TEX36: variants seen among roughly 807,000 people sequenced by gnomAD.
The protein encoded by TEX36 is testis-expressed protein 36.
Under a neutral mutation model 13.6 loss-of-function variants are expected in TEX36, and 12 were observed. The ratio of observed to expected loss-of-function variants is 0.88; its 90% CI spans 0.56 to 1.43. The LOEUF (loss-of-function observed/expected upper bound fraction) is 1.43. TEX36 is among the 40% of genes most tolerant of loss of function. The pLI, the probability that TEX36 is intolerant of heterozygous loss-of-function variation, is 0.00. For missense variants in TEX36, 224 were observed against 228.3 expected, an observed-to-expected ratio of 0.98 and a Z score of 0.12; for synonymous variants, 93 against 83.0, an observed-to-expected ratio of 1.12 and a Z score of -0.65.
chr10:125,586,804 A>G (rs990276428), intron 3 of TEX36, among the ~76,000 whole-genome samples: 2 of 147,880 alleles, frequency 1.4e-5, no homozygotes, highest in African/African-American at 5.2e-5. Flanking sequence ...AAAAAGAAGA[A>G]AAAAAAAAGA....
rs1159772747 is a variant in TEX36, at chr10:125,656,068, A to G, written c.393T>C (p.Tyr131=). The change falls in exon 4 of 4, where the codon TAT becomes TAC. Residue 131 remains tyrosine, a synonymous_variant. Coordinates refer to ENST00000368821, the MANE Select transcript of TEX36 (RefSeq NM_001128202.3). ...GFSNNQISYV[Y]KEAMVVSSFR... is the part of the protein sequence containing the mutation. ...AGCTTGAGACCACCATGGCTTCTTT[A>G]TATACGTATGATATTTGGTTATTTG... is the stretch of plus-strand genomic sequence containing the variant. 41 of 1,551,656 alleles carry G rather than the reference A, an allele frequency of 2.6e-5. No homozygotes were observed. The Admixed American group carries it at 8.0e-4, about 30-fold the overall frequency.
At chr10:125,656,244 T>C in intron 3 of TEX36, 48 bp from the exon 4 acceptor site, 3 of 762,352 alleles carry the variant, frequency 3.9e-6, no homozygotes, top group Non-Finnish European at 5.6e-6. Context: ...CAAGTTCACA[T>C]AGTTCTTTTT....
chr10:125,661,765 T>A (rs1318500225), intron 2 of TEX36, 81 bp downstream of exon 2: 37 of 1,509,130 alleles, frequency 2.5e-5, no homozygotes, highest in Non-Finnish European at 3.2e-5. Flanking sequence ...AAAGAAGAAT[T>A]GTTTGGCCCA....
rs1396477340 is a variant in TEX36, at chr10:125,670,507, G to T, written c.52-8530C>A. 5.3e-5 allele frequency among the ~76,000 whole-genome samples: 8 copies of T among 152,218 alleles called. No homozygotes were observed. The South Asian group carries it at 8.3e-4, about 16-fold the overall frequency. ...TTATTAGACCTTTATGAGATGGATA[G>T]ATTGCAAAAAATTTCTCTCATTCTG... is the stretch of plus-strand genomic sequence containing the variant. On this transcript the variant is annotated intron_variant, in intron 1 of 3. Coordinates refer to ENST00000368821, the MANE Select transcript of TEX36 (RefSeq NM_001128202.3).
At chr10:125,603,277 G>A (rs1482842177) in intron 3 of TEX36, among the ~76,000 whole-genome samples, 2 of 152,140 alleles carry the variant, frequency 1.3e-5, no homozygotes, top group South Asian at 2.1e-4. Context: ...TGATTTCTCC[G>A]ACTTCCAAGT....
chr10:125,664,759 C>T (rs540486617), intron 1 of TEX36, among the ~76,000 whole-genome samples: 11 of 152,252 alleles, frequency 7.2e-5, no homozygotes, highest in Non-Finnish European at 1.5e-4. Context: ...TATAAATTAC[C>T]AGTCTCAGGT....
chr10:125,661,963 C>T lies in TEX36; in HGVS notation c.66G>A (p.Gly22=), dbSNP rs1198955011. 2 of 1,552,232 alleles carry T rather than the reference C, an allele frequency of 1.3e-6. No homozygotes were observed. The highest frequency in any genetic ancestry group is 1.7e-6 in the Non-Finnish European group (2 of 1,147,138). ...TGGATTCTGGTGTCTTTTGCGTTAGCCCGATGTGAGGGAACTGGAAGAACA... is the reference window on the plus strand; with the variant it reads ...TGGATTCTGGTGTCTTTTGCGTTAGTCCGATGTGAGGGAACTGGAAGAACA... ...DKDGRWFPHI[G]LTQKTPESIT... Residue 22 remains glycine, a synonymous_variant, in exon 2 of 4, where the codon GGG becomes GGA. Transcript: ENST00000368821.
intron 3 of TEX36, among the ~76,000 whole-genome samples, chr10:125,633,123 C>CA (rs1186721888): frequency 0.021 from 2,996 of 142,460 alleles, 96 homozygotes; most frequent in African/African-American, 0.068. Flanking sequence ...GACCCTGTCT[C>CA]AAAAAAAAAA....
intron 3 of TEX36, among the ~76,000 whole-genome samples, chr10:125,599,121 CT>C (rs912834451): frequency 2.9e-4 from 44 of 152,066 alleles, no homozygotes; most frequent in African/African-American, 7.7e-4. Flanking sequence ...TCGGAAAAAA[CT>C]TTTTTTATTA....
At chr10:125,666,528 T>C (rs957209159) in intron 1 of TEX36, among the ~76,000 whole-genome samples, 1 of 152,226 alleles carries the variant, frequency 6.6e-6, no homozygotes, top group African/African-American at 2.4e-5. Flanking sequence ...CGAAGCATCC[T>C]TGCGTCCCTG....
At chr10:125,631,973 C>T (rs889208043) in intron 3 of TEX36, among the ~76,000 whole-genome samples, 3 of 151,752 alleles carry the variant, frequency 2.0e-5, no homozygotes, top group Admixed American at 1.3e-4. Flanking sequence ...CGTGTGGTGG[C>T]GTGTGGAGGA....
At position 125,630,778 on chromosome 10, in the gene TEX36, C is replaced by A. The variant is rs183832880; in HGVS notation, c.265-9133G>T. 2.1e-3 allele frequency among the ~76,000 whole-genome samples: 313 copies of A among 152,300 alleles called. 3 individuals carry two copies. The highest frequency in any genetic ancestry group is 7.0e-3 in the African/African-American group (291 of 41,560). Reference sequence around the variant, plus strand: ...TGGAGGGTTGACGTCCCCTCCCCTTCCCACTTCCACTGGAATGTCTCCAGG... The same window carrying A: ...TGGAGGGTTGACGTCCCCTCCCCTTACCACTTCCACTGGAATGTCTCCAGG... On this transcript the variant is annotated intron_variant, in intron 3 of 3. Coordinates refer to the TEX36 transcript ENST00000526819.
At chr10:125,631,704 T>C (rs1163565457) in intron 3 of TEX36, among the ~76,000 whole-genome samples, 6 of 152,166 alleles carry the variant, frequency 3.9e-5, no homozygotes, top group Admixed American at 3.9e-4. Context: ...AGAAGCATTC[T>C]AGGTACAGAG....
intron 3 of TEX36, among the ~76,000 whole-genome samples, chr10:125,643,147 G>A (rs1200270941): frequency 6.6e-6 from 1 of 152,208 alleles, no homozygotes; most frequent in Non-Finnish European, 1.5e-5. Flanking sequence ...TGACAAAGCA[G>A]ATGAATTGAG....
At chr10:125,624,890 G>C (rs297250) in intron 3 of TEX36, among the ~76,000 whole-genome samples, 1 of 152,096 alleles carries the variant, frequency 6.6e-6, no homozygotes, top group African/African-American at 2.4e-5. Flanking sequence ...TAAGGAAGGG[G>C]CACAAAGGCG....
chr10:125,615,026 T>G (rs1447178418), intron 3 of TEX36, among the ~76,000 whole-genome samples: 1 of 152,230 alleles, frequency 6.6e-6, no homozygotes, highest in East Asian at 1.9e-4. Flanking sequence ...TCCTAGGTGT[T>G]TTATTCTCTT....
At chr10:125,580,878 C>A (rs1331282287) in intron 3 of TEX36, among the ~76,000 whole-genome samples, 1 of 152,170 alleles carries the variant, frequency 6.6e-6, no homozygotes, top group Non-Finnish European at 1.5e-5. Context: ...GACTTTCCTG[C>A]CTGGAGCTGG....
chr10:125,675,991 CTT>C (rs1272528355), intron 1 of TEX36, among the ~76,000 whole-genome samples: 1 of 152,192 alleles, frequency 6.6e-6, no homozygotes, highest in Non-Finnish European at 1.5e-5. Context: ...TATGTAATGA[CTT>C]TAATTTTTTT....
At chr10:125,578,283 T>C (rs369054080) in intron 3 of TEX36, 15 of 152,370 alleles carry the variant, frequency 9.8e-5, no homozygotes, top group African/African-American at 2.2e-4. Flanking sequence ...AGCTGCTTAA[T>C]TGAAATTCAC....
Sources: gnomAD v4.1 joint callset for allele counts (sites outside exome capture counted in the v4.1 genomes callset) on GRCh38, gnomAD v4.1.1 for gene constraint, MANE v1.5 for transcripts, NCBI Gene and HGNC (gene_info 2026-07-23, HGNC 2026-07-21) for gene names.